KDM2A: variants seen among roughly 807,000 people sequenced by gnomAD.
KDM2A encodes lysine demethylase 2A.
A neutral mutation model predicts 137.3 loss-of-function variants in KDM2A; 3 were observed. That is an observed-to-expected ratio of 0.02 (90% CI 0.01 to 0.06). The LOEUF (loss-of-function observed/expected upper bound fraction) is 0.06, where lower values mean the gene tolerates loss of function less well. Ranked by LOEUF, KDM2A falls within the 10% of genes least tolerant of loss-of-function variation. The pLI is 1.00. For synonymous variants in KDM2A, 512 were observed against 541.5 expected (o/e 0.95, Z 0.76); for missense variants, 738 against 1,510.6 (o/e 0.49, Z 8.48).
At chr11:67,180,317 G>A in intron 3 of KDM2A, 100 bp downstream of exon 3, 1 of 1,225,696 alleles carries the variant, frequency 8.2e-7, no homozygotes. Context: ...AATATTGCCT[G>A]TTGATGTTAT....
intron 5 of KDM2A, among the ~76,000 whole-genome samples, chr11:67,195,211 C>T (rs1332070762): frequency 6.6e-6 from 1 of 151,660 alleles, no homozygotes; most frequent in Non-Finnish European, 1.5e-5. Flanking sequence ...CTAAAAGTTG[C>T]ATAACAAATT....
intron 2 of KDM2A, among the ~76,000 whole-genome samples, chr11:67,144,851 C>G (rs2136299024): frequency 6.6e-6 from 1 of 151,906 alleles, no homozygotes; most frequent in South Asian, 2.1e-4. Flanking sequence ...TAGGTGTGAG[C>G]CATCGTGCCT....
At position 67,254,636 on chromosome 11, in the gene KDM2A, A is replaced by T; in HGVS notation, c.3307+218A>T. On this transcript the variant is annotated intron_variant, in intron 20 of 20. Coordinates refer to ENST00000529006, the MANE Select transcript of KDM2A (RefSeq NM_012308.3). This position sits in a 1 kb window ranked among gnomAD's most constrained non-coding sequence, Gnocchi z 4.7. ...TCGGTTGCCTGTCTGCGCAGCCAAC[A>T]TCCAGCTGGAGTTTGGTCAGCCTTG... 1 of 637,816 alleles carries T rather than the reference A, an allele frequency of 1.6e-6. No individual in the cohort carries two copies. Among genetic ancestry groups the T allele is most frequent in the Non-Finnish European group, 2.7e-6 (1 of 365,888 alleles). The allele number at this position is 637,816 out of a possible 1,614,324, so 39.5% of individuals were successfully genotyped here.
At chr11:67,209,663 C>T (rs56061830) in intron 6 of KDM2A, among the ~76,000 whole-genome samples, 1 of 151,936 alleles carries the variant, frequency 6.6e-6, no homozygotes, top group Admixed American at 6.5e-5. Flanking sequence ...AGGCTTGTCT[C>T]GAACCCCTGA....
chr11:67,231,632 G>T lies in KDM2A; in HGVS notation c.1151G>T (p.Arg384Leu), dbSNP rs781524538. 1 of 1,612,768 alleles carries T rather than the reference G, an allele frequency of 6.2e-7. No individual in the cohort carries two copies. Among genetic ancestry groups the T allele is most frequent in the Non-Finnish European group, 8.5e-7 (1 of 1,179,358 alleles). ...GAAGCAGTGGATCGAGAACCCCGAC[G>T]CTTGAGCAGCAGGCGTTCTGTCCTC... Reference protein sequence around the residue: ...DEEAVDREPRRLSSRRSVLTS... With the variant: ...DEEAVDREPRLLSSRRSVLTS... Residue 384 changes from arginine to leucine, a missense_variant, in exon 12 of 21, where the codon CGC becomes CTC. Arg to Leu is a moderately radical substitution (Grantham distance 102). Transcript: ENST00000529006.
chr11:67,234,611 C>G (rs4433575), intron 12 of KDM2A, among the ~76,000 whole-genome samples: 12 of 152,226 alleles, frequency 7.9e-5, no homozygotes, highest in African/African-American at 2.7e-4. Flanking sequence ...GCTCACACCT[C>G]TTGTCCTAGT....
intron 2 of KDM2A, among the ~76,000 whole-genome samples, chr11:67,132,756 C>T (rs1367141731): frequency 1.3e-5 from 2 of 151,586 alleles, no homozygotes; most frequent in Admixed American, 1.3e-4. Flanking sequence ...CTCTCATTAG[C>T]AGCATGAGCA....
chr11:67,204,514 CAG>C (rs1409113353), intron 5 of KDM2A, among the ~76,000 whole-genome samples: 3 of 144,674 alleles, frequency 2.1e-5, no homozygotes, highest in African/African-American at 5.2e-5. Context: ...TTTTTTGAGA[CAG>C]AGTCTCACTG....
At chr11:67,232,034 A>G (rs1396022334) in intron 12 of KDM2A, 74 bp downstream of exon 12, 1 of 1,446,390 alleles carries the variant, frequency 6.9e-7, no homozygotes, top group East Asian at 2.3e-5. Context: ...AGAGGGAGAA[A>G]ATATAGGAAT....
At chr11:67,206,445 GA>G (rs1857807783) in intron 5 of KDM2A, among the ~76,000 whole-genome samples, 1 of 151,274 alleles carries the variant, frequency 6.6e-6, no homozygotes, top group Non-Finnish European at 1.5e-5. Flanking sequence ...TAAAATTAAA[GA>G]AATAAATAGG....
At chr11:67,189,977 GAAAT>G (rs1857310975) in intron 5 of KDM2A, among the ~76,000 whole-genome samples, 1 of 152,130 alleles carries the variant, frequency 6.6e-6, no homozygotes, top group African/African-American at 2.4e-5. Flanking sequence ...AGAGATAAAT[GAAAT>G]AAAGAATAGA....
In KDM2A at chr11:67,211,986, A is replaced by G. The variant is rs535010780; in HGVS notation, c.487-3354A>G. 1.7e-4 allele frequency among the ~76,000 whole-genome samples: 26 copies of G among 152,328 alleles called. 2 individuals are homozygous for G. The South Asian group carries it at 4.1e-3, about 24-fold the overall frequency. ...AATATGCATTTATATAAACTATAGTATGAGCAGTGCTTCAAAAGTGAATAA... is the reference window on the plus strand; with the variant it reads ...AATATGCATTTATATAAACTATAGTGTGAGCAGTGCTTCAAAAGTGAATAA... On this transcript the variant is annotated intron_variant, in intron 6 of 20. Coordinates refer to ENST00000529006, the MANE Select transcript of KDM2A (RefSeq NM_012308.3).
At chr11:67,215,060 G>A (rs1013867129) in intron 6 of KDM2A, among the ~76,000 whole-genome samples, 1 of 152,068 alleles carries the variant, frequency 6.6e-6, no homozygotes, top group African/African-American at 2.4e-5. Context: ...AGAGTTCATA[G>A]TTATACACTA....
At chr11:67,240,065 G>A in intron 12 of KDM2A, 2 of 1,319,082 alleles carry the variant, frequency 1.5e-6, no homozygotes, top group East Asian at 2.8e-5. Flanking sequence ...GCATTTCTGG[G>A]AGCTGCATGT....
At chr11:67,131,701 G>A (rs914921710) in intron 2 of KDM2A, among the ~76,000 whole-genome samples, 2 of 152,044 alleles carry the variant, frequency 1.3e-5, no homozygotes, top group Non-Finnish European at 2.9e-5. Context: ...CATGAGCCAC[G>A]ACTTTCCGCC....
In KDM2A at chr11:67,256,963, G is replaced by A. The variant is rs1295951219; in HGVS notation, c.*1908G>A. On this transcript the variant is annotated 3_prime_UTR_variant, in exon 21 of 21. Transcript: ENST00000529006. ...CAGTGACTTATTCCAGAGTGCCTCA[G>A]TTAGGGGAACTTCTCTGTAAAGAAC... 6.6e-6 allele frequency: 1 copy of A among 152,630 alleles called. No individual in the cohort carries two copies. The highest frequency in any genetic ancestry group is 1.5e-5 in the Non-Finnish European group (1 of 68,040). The allele number at this position is 152,630 out of a possible 1,614,324, so 9.5% of individuals were successfully genotyped here.
intron 5 of KDM2A, among the ~76,000 whole-genome samples, chr11:67,202,672 A>G (rs1857663630): frequency 6.7e-6 from 1 of 148,862 alleles, no homozygotes; most frequent in Non-Finnish European, 1.5e-5. Context: ...GCTACTCAGG[A>G]GGCTGAGGCA....
intron 2 of KDM2A, among the ~76,000 whole-genome samples, chr11:67,154,417 C>G (rs1002688949): frequency 6.6e-6 from 1 of 151,894 alleles, no homozygotes; most frequent in Non-Finnish European, 1.5e-5. Flanking sequence ...TTTACCTATT[C>G]TGGGTGTTTC....
At chr11:67,168,590 C>T (rs1316550247) in intron 2 of KDM2A, among the ~76,000 whole-genome samples, 3,307 of 24,424 alleles carry the variant, frequency 0.14, 1,268 homozygotes, top group African/African-American at 0.17. Context: ...TATACACACA[C>T]ACACACACAC....
Sources: gnomAD v4.1 joint callset for allele counts (sites outside exome capture counted in the v4.1 genomes callset) on GRCh38, gnomAD v4.1.1 for gene constraint, Gnocchi (gnomAD v3.1) non-coding constraint, MANE v1.5 for transcripts, NCBI Gene and HGNC (gene_info 2026-07-23, HGNC 2026-07-21) for gene names.